CMIP: variants seen among roughly 807,000 people sequenced by gnomAD.
CMIP encodes the protein C-Maf-inducing protein.
A neutral mutation model predicts 97.3 loss-of-function variants in CMIP; 13 were observed. The observed-to-expected ratio is 0.13, with a 90% CI of 0.09 to 0.21. CMIP has a LOEUF of 0.21. CMIP is among the 10% of genes least tolerant of loss of function. The pLI is 1.00. For missense variants in CMIP, 847 were observed against 1,024.9 expected, an observed-to-expected ratio of 0.83 and a Z score of 2.37; for synonymous variants, 538 against 436.3, an observed-to-expected ratio of 1.23 and a Z score of -2.91.
At chr16:81,588,152 C>T (rs998073721) in intron 1 of CMIP, among the ~76,000 whole-genome samples, 2 of 152,142 alleles carry the variant, frequency 1.3e-5, no homozygotes, top group African/African-American at 4.8e-5. Flanking sequence ...CGAGACCCTC[C>T]GGATCCCCAG....
chr16:81,685,751 A>G (rs1408606808), intron 10 of CMIP, among the ~76,000 whole-genome samples: 1 of 140,812 alleles, frequency 7.1e-6, no homozygotes, highest in East Asian at 2.1e-4. Context: ...CTTTTTAGAG[A>G]TGGGATCTCT....
intron 2 of CMIP, among the ~76,000 whole-genome samples, chr16:81,609,705 A>T (rs1567608475): frequency 6.6e-6 from 1 of 152,182 alleles, no homozygotes; most frequent in South Asian, 2.1e-4. Context: ...GGATGAGTAG[A>T]AGTGTGCCAG....
intron 3 of CMIP, among the ~76,000 whole-genome samples, chr16:81,639,224 C>T (rs2092274452): frequency 6.6e-6 from 1 of 152,226 alleles, no homozygotes; most frequent in Non-Finnish European, 1.5e-5. Flanking sequence ...ACCCCGGCTG[C>T]ACCACATTCA....
intron 1 of CMIP, among the ~76,000 whole-genome samples, chr16:81,571,784 C>T (rs777937832): frequency 2.6e-5 from 4 of 152,104 alleles, no homozygotes; most frequent in African/African-American, 9.7e-5. Context: ...TACCCTGCCT[C>T]GACCGTGCGC....
At chr16:81,691,677 G>T in intron 10 of CMIP, 98 bp from the exon 11 acceptor site, 1 of 905,276 alleles carries the variant, frequency 1.1e-6, no homozygotes, top group Non-Finnish European at 1.8e-6. Context: ...CTACCTGCCA[G>T]GCTCTCACCC....
intron 1 of CMIP, among the ~76,000 whole-genome samples, chr16:81,554,719 A>C (rs1219679896): frequency 6.6e-6 from 1 of 152,116 alleles, no homozygotes; most frequent in Non-Finnish European, 1.5e-5. Flanking sequence ...CTGGGCAGGC[A>C]ACTTTATTCT....
intron 3 of CMIP, among the ~76,000 whole-genome samples, chr16:81,640,614 T>C (rs1042245674): frequency 2.2e-4 from 34 of 152,136 alleles, no homozygotes; most frequent in African/African-American, 8.2e-4. Context: ...CAGGGCCACA[T>C]TGCTTCTGAG....
intron 1 of CMIP, among the ~76,000 whole-genome samples, chr16:81,478,351 G>A (rs538870596): frequency 3.4e-4 from 52 of 152,326 alleles, no homozygotes; most frequent in Admixed American, 8.5e-4. Context: ...TCTGCATGGC[G>A]CCAGCAGCTC....
At chr16:81,679,978 C>T (rs1363791522) in intron 10 of CMIP, among the ~76,000 whole-genome samples, 5 of 152,338 alleles carry the variant, frequency 3.3e-5, no homozygotes, top group Admixed American at 2.6e-4. Context: ...CTCCTTCCTT[C>T]GGAACAAGCT....
intron 10 of CMIP, among the ~76,000 whole-genome samples, chr16:81,684,460 G>A (rs1036092145): frequency 6.6e-6 from 1 of 152,242 alleles, no homozygotes; most frequent in Non-Finnish European, 1.5e-5. Flanking sequence ...GGAAAGCAGC[G>A]AGGCTGGCAG....
At chr16:81,659,594 G>C (rs907481674) in intron 5 of CMIP, among the ~76,000 whole-genome samples, 11 of 152,204 alleles carry the variant, frequency 7.2e-5, no homozygotes, top group African/African-American at 2.7e-4. Flanking sequence ...ATGAGAGCTG[G>C]AAGGAGGTAC....
chr16:81,693,533 C>T, intron 13 of CMIP, 46 bp downstream of exon 13: 3 of 1,587,694 alleles, frequency 1.9e-6, no homozygotes, highest in East Asian at 2.3e-5. Flanking sequence ...CTGGGGATGG[C>T]AGGATGCACG....
chr16:81,550,009 G>A (rs911608277), intron 1 of CMIP, among the ~76,000 whole-genome samples: 10 of 152,220 alleles, frequency 6.6e-5, no homozygotes, highest in Non-Finnish European at 1.0e-4. Context: ...TCACCCGTGT[G>A]CGTGGGCAAA....
chr16:81,699,844 C>CACCA, intron 15 of CMIP, 43 bp downstream of exon 15: 2 of 1,356,062 alleles, frequency 1.5e-6, no homozygotes, highest in Non-Finnish European at 2.1e-6. Context: ...GCTGGCTCCC[C>CACCA]GTCCCTTGTC....
rs1905754437 is a variant in CMIP at position 81,445,238 on chromosome 16, G to A, written c.-4G>A. 6.7e-7 allele frequency: 1 copy of A among 1,483,686 alleles called. No individual in the cohort carries two copies. Among genetic ancestry groups the A allele is most frequent in the African/African-American group, 1.4e-5 (1 of 70,488 alleles). 91.9% of individuals were successfully genotyped at this position (1,483,686 alleles called of 1,614,324 possible). A position where few individuals can be genotyped will look rare whatever the true frequency, so the allele number is the denominator to read the frequency against. The stretch of plus-strand genomic sequence containing the variant: ...CGCCCCCAGCCCCCTCCCCCGGCGC[G>A]GCCATGGATGTGACCAGCAGCTCGG... On this transcript the variant is annotated 5_prime_UTR_variant, in exon 1 of 21. Coordinates refer to ENST00000537098, the MANE Select transcript of CMIP (RefSeq NM_198390.3).
chr16:81,706,691 G>A (rs1360320156), intron 19 of CMIP, among the ~76,000 whole-genome samples: 5 of 152,194 alleles, frequency 3.3e-5, no homozygotes, highest in South Asian at 4.1e-4. Flanking sequence ...GGGAGGCCTC[G>A]GGCCTGATCT....
rs2091876625 is a variant in CMIP, at chr16:81,614,228, G to A, written c.426+6536G>A. Among the ~76,000 whole-genome samples, 1 of 152,230 alleles carries A rather than the reference G, an allele frequency of 6.6e-6. No individual in the cohort carries two copies. Among genetic ancestry groups the A allele is most frequent in the Non-Finnish European group, 1.5e-5 (1 of 68,034 alleles). ...GGGAGTACACGCTGCATGGAAGCCA[G>A]TCTGAGAGCAGGGCAGGCCAGGTGC... On this transcript the variant is annotated intron_variant, in intron 2 of 20. Transcript: ENST00000537098. This position sits in a 1 kb window ranked among gnomAD's most constrained non-coding sequence, Gnocchi z 5.3.
At chr16:81,641,232 C>G (rs1160429090) in intron 3 of CMIP, among the ~76,000 whole-genome samples, 1 of 152,104 alleles carries the variant, frequency 6.6e-6, no homozygotes, top group Non-Finnish European at 1.5e-5. Flanking sequence ...CCTAAAGCAG[C>G]ACCTAACGCA....
At chr16:81,548,143 T>TGA (rs2150850680) in intron 1 of CMIP, among the ~76,000 whole-genome samples, 2 of 150,130 alleles carry the variant, frequency 1.3e-5, no homozygotes, top group Non-Finnish European at 3.0e-5. Context: ...TTTTTTTTTT[T>TGA]TTTTTTTTGA....
Sources: gnomAD v4.1 joint callset for allele counts (sites outside exome capture counted in the v4.1 genomes callset) on GRCh38, gnomAD v4.1.1 for gene constraint, Gnocchi (gnomAD v3.1) non-coding constraint, MANE v1.5 for transcripts, NCBI Gene and HGNC (gene_info 2026-07-23, HGNC 2026-07-21) for gene names.